DAZL: variants seen among roughly 807,000 people sequenced by gnomAD.
DAZL encodes deleted in azoospermia like, also known as deleted in azoospermia-like.
DAZL carries 4 observed loss-of-function variants against 45.0 expected under a neutral mutation model. The ratio of observed to expected loss-of-function variants is 0.09; its 90% CI spans 0.04 to 0.20. The LOEUF (loss-of-function observed/expected upper bound fraction) is 0.20. Among genes scored for constraint, DAZL ranks in the 10% least tolerant of loss-of-function variants. The pLI, the probability that DAZL is intolerant of heterozygous loss-of-function variation, is 1.00. For synonymous variants in DAZL, 122 were observed against 112.4 expected, an observed-to-expected ratio of 1.09 and a Z score of -0.54; for missense variants, 326 against 351.3, an observed-to-expected ratio of 0.93 and a Z score of 0.58.
intron 1 of DAZL, among the ~76,000 whole-genome samples, chr3:16,602,409 G>C (rs1694704697): frequency 6.6e-6 from 1 of 152,130 alleles, no homozygotes; most frequent in South Asian, 2.1e-4. Flanking sequence ...GATAACTTGG[G>C]TGTATGTTTG....
chr3:16,594,488 T>C, intron 8 of DAZL, 45 bp downstream of exon 8: 5 of 1,398,976 alleles, frequency 3.6e-6, no homozygotes, highest in Non-Finnish European at 4.9e-6. Context: ...CAAAAAAAAA[T>C]ACTTTAAAAT....
At chr3:16,589,287 G>GA (rs1459658844) in intron 10 of DAZL, among the ~76,000 whole-genome samples, 1 of 152,108 alleles carries the variant, frequency 6.6e-6, no homozygotes, top group Non-Finnish European at 1.5e-5. Flanking sequence ...TGTGCAGAGA[G>GA]AAAAAAGTGA....
chr3:16,592,018 T>C (rs1694525582), intron 10 of DAZL, 32 bp downstream of exon 10: 1 of 1,600,524 alleles, frequency 6.2e-7, no homozygotes. Context: ...ACAAGTGTGC[T>C]TTTTAATTGT....
chr3:16,590,580 C>T (rs541634679), intron 10 of DAZL, among the ~76,000 whole-genome samples: 1 of 152,104 alleles, frequency 6.6e-6, no homozygotes, highest in Non-Finnish European at 1.5e-5. Flanking sequence ...ATAACTTGTA[C>T]ATGAATGTTC....
chr3:16,605,040 C>T (rs904354398), intron 1 of DAZL, among the ~76,000 whole-genome samples, 163 bp downstream of exon 1: 3 of 152,246 alleles, frequency 2.0e-5, no homozygotes, highest in East Asian at 1.9e-4. Flanking sequence ...ACTGCCAGGC[C>T]GCCTCTCCCA....
rs915555217 is a variant in DAZL at position 16,604,636 on chromosome 3, C to G, written c.3+567G>C. On this transcript the variant is annotated intron_variant, in intron 1 of 10. Coordinates refer to ENST00000399444, the MANE Select transcript of DAZL (RefSeq NM_001351.4). ...GCCCCCACGAACCCCGCCCACCCCA[C>G]CAAGTACAGGGACCAGGAGGGAACC... The G allele has an allele frequency of 9.5e-6, 13 of 1,373,620 alleles. No individual in the cohort carries two copies. In the South Asian group the frequency reaches 1.1e-4, roughly 12 times the overall value. The allele number at this position is 1,373,620 out of a possible 1,614,324, so 85.1% of individuals were successfully genotyped here. A position where few individuals can be genotyped will look rare whatever the true frequency, so the allele number is the denominator to read the frequency against.
chr3:16,596,073 A>G (rs1461723556), intron 6 of DAZL, among the ~76,000 whole-genome samples: 3 of 152,042 alleles, frequency 2.0e-5, no homozygotes, highest in African/African-American at 4.8e-5. Context: ...TTTCAAGTAC[A>G]TGGAAAATGT....
In DAZL at chr3:16,592,208, G is replaced by GT. The variant is rs112666883; in HGVS notation, c.736-61dup. The GT allele has an allele frequency of 6.2e-4, 967 of 1,570,122 alleles. 2 individuals carry two copies. Among genetic ancestry groups the GT allele is most frequent in the East Asian group, 2.0e-3 (89 of 43,868 alleles). On this transcript the variant is annotated intron_variant, in intron 9 of 10. Transcript: ENST00000399444. Reference sequence around the variant, plus strand: ...ACTCTTTCACTCACTCTTAGTAAGGGTTTTTTTTTGATAGTTTAATGAATA... The same window carrying GT: ...ACTCTTTCACTCACTCTTAGTAAGGGTTTTTTTTTTGATAGTTTAATGAATA...
intron 1 of DAZL, among the ~76,000 whole-genome samples, chr3:16,603,936 C>T (rs1048502875): frequency 6.6e-6 from 1 of 151,840 alleles, no homozygotes; most frequent in African/African-American, 2.4e-5. Context: ...TTTCTTACAG[C>T]GATTGTTTTC....
At chr3:16,604,815 T>TGGGGGAGCGCGTGGG (rs893353800) in intron 1 of DAZL, 13 of 784,714 alleles carry the variant, frequency 1.7e-5, no homozygotes, top group Non-Finnish European at 2.3e-5. Context: ...GGCGCGTGAG[T>TGGGGGAGCGCGTGGG]GGGGGAGCGC....
chr3:16,595,307 A>T lies in DAZL; in HGVS notation c.570+7T>A. 6.7e-7 allele frequency: 1 copy of T among 1,490,606 alleles called. No homozygotes were observed. Among genetic ancestry groups the T allele is most frequent in the Non-Finnish European group, 9.2e-7 (1 of 1,089,684 alleles). The allele number at this position is 1,490,606 out of a possible 1,614,324, so 92.3% of individuals were successfully genotyped here. ...AAAGTAAATCATTTTACTCCCTTTTAAATTACCTGATAATTATATACAGGC... is the reference window on the plus strand; with the variant it reads ...AAAGTAAATCATTTTACTCCCTTTTTAATTACCTGATAATTATATACAGGC... On this transcript the variant is annotated splice_region_variant and intron_variant, in intron 7 of 10. Coordinates refer to ENST00000399444, the MANE Select transcript of DAZL (RefSeq NM_001351.4).
At chr3:16,602,738 T>A (rs1411639420) in intron 1 of DAZL, among the ~76,000 whole-genome samples, 1 of 152,234 alleles carries the variant, frequency 6.6e-6, no homozygotes, top group African/African-American at 2.4e-5. Flanking sequence ...CATTCATTTT[T>A]AAATTATCTA....
In DAZL at chr3:16,605,382, C is replaced by T. The variant is rs191406933; in HGVS notation, c.-177G>A. ...AAGAGCGGGTGACAAGGCTGAGGAG[C>T]CCCGAAAGGCGGACCGTCAGGCTGA... On this transcript the variant is annotated 5_prime_UTR_variant, in exon 1 of 11. Coordinates refer to ENST00000399444, the MANE Select transcript of DAZL (RefSeq NM_001351.4). The T allele has an allele frequency of 9.2e-6, 7 of 757,250 alleles. No individual in the cohort carries two copies. The Admixed American group carries it at 1.5e-4, about 16-fold the overall frequency. The allele number at this position is 757,250 out of a possible 1,614,324, so 46.9% of individuals were successfully genotyped here.
chr3:16,593,715 A>G lies in DAZL; in HGVS notation c.675T>C (p.Val225=). 6.2e-7 allele frequency: 1 copy of G among 1,612,914 alleles called. No individual in the cohort carries two copies. The highest frequency in any genetic ancestry group is 8.5e-7 in the Non-Finnish European group (1 of 1,179,306). ...CATGAACTGAACATTCATTTGGCAC[A>G]ACTTCAGCTCCTGGATCAACTTCAT... is the stretch of plus-strand genomic sequence containing the variant. ...HCNEVDPGAE[V]VPNECSVHEA... The change falls in exon 9 of 11, where the codon GTT becomes GTC. Residue 225 remains valine, a synonymous_variant. Transcript: ENST00000399444.
intron 10 of DAZL, 121 bp downstream of exon 10, chr3:16,591,929 C>G (rs1694524101): frequency 8.4e-7 from 1 of 1,193,610 alleles, no homozygotes; most frequent in Non-Finnish European, 1.2e-6. Flanking sequence ...GTGTTATAGT[C>G]AAATGCCAAC....
chr3:16,593,745 G>A lies in DAZL; in HGVS notation c.645C>T (p.His215=), dbSNP rs1370694927. Residue 215 remains histidine (H), a synonymous_variant, in exon 9 of 11, where the codon CAC becomes CAT. Transcript: ENST00000399444. ...VPPAYSAVNY[H]CNEVDPGAEV... ...CAGCTCCTGGATCAACTTCATTACA[G>A]TGGTAGTTAACAGCTGAATAAGCCT... is the stretch of plus-strand genomic sequence containing the variant. The A allele has an allele frequency of 6.2e-7, 1 of 1,611,002 alleles. No individual in the cohort carries two copies. The highest frequency in any genetic ancestry group is 1.1e-5 in the South Asian group (1 of 90,790).
chr3:16,599,592 C>A (rs1468660276), intron 1 of DAZL, among the ~76,000 whole-genome samples: 1 of 152,176 alleles, frequency 6.6e-6, no homozygotes, highest in Non-Finnish European at 1.5e-5. Flanking sequence ...ATCAGTCCCA[C>A]TGATAATTCT....
At position 16,590,847 on chromosome 3, in the gene DAZL, T is replaced by C. The variant is rs771554081; in HGVS notation, c.834+1203A>G. 6.4e-4 allele frequency among the ~76,000 whole-genome samples: 95 copies of C among 149,002 alleles called. 2 individuals are homozygous for C. Among genetic ancestry groups the C allele is most frequent in the Non-Finnish European group, 2.1e-4 (14 of 67,514 alleles). Reference sequence around the variant, plus strand: ...GAAAGTAAGTAAATTAGTGGTTGCCTAGGGCTGCACAGGATGGGGGAAAAT... The same window carrying C: ...GAAAGTAAGTAAATTAGTGGTTGCCCAGGGCTGCACAGGATGGGGGAAAAT... On this transcript the variant is annotated intron_variant, in intron 10 of 10. Transcript: ENST00000399444.
intron 1 of DAZL, among the ~76,000 whole-genome samples, chr3:16,600,336 A>G (rs968050629): frequency 1.3e-5 from 2 of 152,342 alleles, no homozygotes; most frequent in Admixed American, 6.5e-5. Flanking sequence ...TTTACTAGAG[A>G]TGAAATCTAA....
Sources: gnomAD v4.1 joint callset for allele counts (sites outside exome capture counted in the v4.1 genomes callset) on GRCh38, gnomAD v4.1.1 for gene constraint, MANE v1.5 for transcripts, NCBI Gene and HGNC (gene_info 2026-07-23, HGNC 2026-07-21) for gene names.